The following ZBTB20 variants were observed in gnomAD, a reference collection of about 807,000 sequenced individuals.
ZBTB20 encodes zinc finger and BTB domain containing 20, also known as zinc finger and BTB domain-containing protein 20.
In ZBTB20, 9 loss-of-function variants were observed where a neutral mutation model predicts 56.9. That is an observed-to-expected ratio of 0.16 (90% CI 0.10 to 0.28). The LOEUF (loss-of-function observed/expected upper bound fraction) is 0.28, where lower values mean the gene tolerates loss of function less well. Among genes scored for constraint, ZBTB20 ranks in the 10% least tolerant of loss-of-function variants. The probability of loss-of-function intolerance (pLI) is 1.00; values close to 1 mark genes in which losing one functional copy is unlikely to be tolerated. For synonymous variants in ZBTB20, 417 were observed against 420.7 expected (o/e 0.99, Z 0.11); for missense variants, 655 against 1,003.0 (o/e 0.65, Z 4.69).
intron 3 of ZBTB20, among the ~76,000 whole-genome samples, chr3:114,962,193 A>G (rs1187356376): frequency 6.6e-6 from 1 of 152,136 alleles, no homozygotes; most frequent in Non-Finnish European, 1.5e-5. Context: ...TCTGGTGCTC[A>G]TGAACACATG....
intron 6 of ZBTB20, among the ~76,000 whole-genome samples, chr3:114,558,443 G>A (rs913917102): frequency 1.3e-5 from 2 of 151,836 alleles, no homozygotes; most frequent in East Asian, 1.9e-4. Context: ...ACACTTTTAC[G>A]CCCCTAAATA....
intron 7 of ZBTB20, among the ~76,000 whole-genome samples, chr3:114,464,657 T>C (rs538835634): frequency 1.3e-5 from 2 of 152,296 alleles, no homozygotes; most frequent in South Asian, 2.1e-4. Flanking sequence ...ACCAAATCAA[T>C]GTCTGCTCAA....
chr3:115,078,609 GTGTGTA>G (rs1318918814), intron 1 of ZBTB20, among the ~76,000 whole-genome samples: 1 of 135,564 alleles, frequency 7.4e-6, no homozygotes, highest in Admixed American at 7.1e-5. Flanking sequence ...GTGTGTGTGT[GTGTGTA>G]TATATATATA....
intron 6 of ZBTB20, among the ~76,000 whole-genome samples, chr3:114,564,691 C>G (rs1463989119): frequency 6.6e-6 from 1 of 152,188 alleles, no homozygotes; most frequent in African/African-American, 2.4e-5. Flanking sequence ...ATTATTAGTA[C>G]AGTAAGTGCT....
At chr3:115,021,399 TA>T (rs916418315) in intron 2 of ZBTB20, among the ~76,000 whole-genome samples, 1 of 150,898 alleles carries the variant, frequency 6.6e-6, no homozygotes, top group African/African-American at 2.4e-5. Context: ...TTTCCATAGA[TA>T]CATATATATA....
At chr3:115,008,634 CTT>C (rs1299281734) in intron 2 of ZBTB20, among the ~76,000 whole-genome samples, 1 of 151,794 alleles carries the variant, frequency 6.6e-6, no homozygotes, top group Non-Finnish European at 1.5e-5. Context: ...ATAAAAGTAA[CTT>C]AATGAAAAAG....
intron 10 of ZBTB20, among the ~76,000 whole-genome samples, chr3:114,363,228 G>A (rs1428563872): frequency 1.3e-5 from 2 of 152,094 alleles, no homozygotes; most frequent in Non-Finnish European, 2.9e-5. Flanking sequence ...CTCAACAGAG[G>A]GGACTGTGAT....
intron 7 of ZBTB20, among the ~76,000 whole-genome samples, chr3:114,492,197 A>G (rs2042827792): frequency 6.6e-6 from 1 of 152,156 alleles, no homozygotes; most frequent in Admixed American, 6.5e-5. Flanking sequence ...AGGCAATGTT[A>G]TTCATGCCAA....
chr3:114,726,255 C>T (rs945292400), intron 5 of ZBTB20, among the ~76,000 whole-genome samples: 4 of 151,898 alleles, frequency 2.6e-5, no homozygotes, highest in African/African-American at 7.3e-5. Flanking sequence ...ATATGAATCG[C>T]AGGTCAAAGT....
At chr3:114,465,730 A>AGAAT (rs2092522405) in intron 7 of ZBTB20, among the ~76,000 whole-genome samples, 1 of 151,902 alleles carries the variant, frequency 6.6e-6, no homozygotes, top group South Asian at 2.1e-4. Context: ...AAAGAAAGAA[A>AGAAT]AGAAAGGGAT....
chr3:114,438,441 A>AAC (rs1559789600), intron 7 of ZBTB20, among the ~76,000 whole-genome samples: 1 of 151,842 alleles, frequency 6.6e-6, no homozygotes, highest in African/African-American at 2.4e-5. Flanking sequence ...AAAACCAAAA[A>AAC]AAAACAAAAC....
In ZBTB20 at chr3:114,967,817, C is replaced by A. The variant is rs563039093; in HGVS notation, c.-456+6549G>T. On this transcript the variant is annotated intron_variant, in intron 3 of 11. Coordinates refer to ENST00000675478, the MANE Select transcript of ZBTB20 (RefSeq NM_001348800.3). ...ACTAAAAATACAAAAATTAGCCAGGCGTGGTGGCGGGCACCTATAATCCCA... is the reference window on the plus strand; with the variant it reads ...ACTAAAAATACAAAAATTAGCCAGGAGTGGTGGCGGGCACCTATAATCCCA... Among the ~76,000 whole-genome samples the A allele has an allele frequency of 2.0e-5, 3 of 152,004 alleles. No individual in the cohort carries two copies. The South Asian group carries it at 6.2e-4, about 32-fold the overall frequency.
At chr3:115,037,268 A>G (rs532341372) in intron 2 of ZBTB20, among the ~76,000 whole-genome samples, 1 of 152,152 alleles carries the variant, frequency 6.6e-6, no homozygotes, top group African/African-American at 2.4e-5. Flanking sequence ...AATCCAAAGT[A>G]AAGAAATTTT....
chr3:114,347,134 C>T (rs1481340370), intron 11 of ZBTB20, among the ~76,000 whole-genome samples: 8 of 124,964 alleles, frequency 6.4e-5, no homozygotes, highest in African/African-American at 2.2e-4. Flanking sequence ...CCAGGTTGGC[C>T]TCGAAACTCC....
At chr3:114,807,599 C>T (rs751579528) in intron 4 of ZBTB20, among the ~76,000 whole-genome samples, 3 of 151,926 alleles carry the variant, frequency 2.0e-5, no homozygotes, top group African/African-American at 2.4e-5. Context: ...AGGAGTGTAT[C>T]GGTCAGGTTT....
At chr3:114,762,592 C>G (rs756555916) in intron 5 of ZBTB20, among the ~76,000 whole-genome samples, 7 of 152,154 alleles carry the variant, frequency 4.6e-5, no homozygotes, top group African/African-American at 7.2e-5. Context: ...TAAAGGACTG[C>G]CTGGACCCTC....
intron 3 of ZBTB20, among the ~76,000 whole-genome samples, chr3:114,926,580 A>T (rs1353139435): frequency 6.6e-6 from 1 of 152,226 alleles, no homozygotes; most frequent in Non-Finnish European, 1.5e-5. Flanking sequence ...AACAAACAAA[A>T]AACTAGAAAA....
At chr3:114,541,721 A>T (rs1256458383) in intron 6 of ZBTB20, among the ~76,000 whole-genome samples, 1 of 152,202 alleles carries the variant, frequency 6.6e-6, no homozygotes, top group East Asian at 1.9e-4. Context: ...ATGTTGAAAG[A>T]GTAACTCAGA....
At chr3:115,063,808 T>C (rs1167688862) in intron 2 of ZBTB20, among the ~76,000 whole-genome samples, 7 of 152,216 alleles carry the variant, frequency 4.6e-5, no homozygotes, top group Admixed American at 4.6e-4. Flanking sequence ...TTCTAAATAA[T>C]ATGCTTCTAT....
Sources: gnomAD v4.1 joint callset for allele counts (sites outside exome capture counted in the v4.1 genomes callset) on GRCh38, gnomAD v4.1.1 for gene constraint, MANE v1.5 for transcripts, NCBI Gene and HGNC (gene_info 2026-07-23, HGNC 2026-07-21) for gene names.